The following BTNL9 variants were observed in gnomAD, a reference collection of about 807,000 sequenced individuals.
The protein encoded by BTNL9 is butyrophilin like 9, also known as butyrophilin-like protein 9.
BTNL9 carries 45 observed loss-of-function variants against 45.8 expected under a neutral mutation model. The observed-to-expected ratio is 0.98, with a 90% CI of 0.77 to 1.26. The LOEUF (loss-of-function observed/expected upper bound fraction) is 1.26, where lower values mean the gene tolerates loss of function less well. Ranked by LOEUF, BTNL9 falls within the 50% of genes most tolerant of loss-of-function variation. BTNL9 has a pLI of 0.00. For synonymous variants in BTNL9, 346 were observed against 330.8 expected, an observed-to-expected ratio of 1.05 and a Z score of -0.50; for missense variants, 784 against 729.7, an observed-to-expected ratio of 1.07 and a Z score of -0.86.
Position 181,059,887 on chromosome 5 carries a change from G to A in BTNL9, c.*25G>A. On this transcript the variant is annotated 3_prime_UTR_variant, in exon 11 of 11. Transcript: ENST00000327705. ...AGGCGCCCTCGTGGCCGCGGGACTG[G>A]CCCCGGGGGGCCCCCTGGATCCCAG... 2 of 1,444,114 alleles carry A rather than the reference G, an allele frequency of 1.4e-6. No individual in the cohort carries two copies. The highest frequency in any genetic ancestry group is 1.3e-5 in the South Asian group (1 of 76,276). 89.5% of individuals were successfully genotyped at this position (1,444,114 alleles called of 1,614,324 possible). A position where few individuals can be genotyped will look rare whatever the true frequency, so the allele number is the denominator to read the frequency against.
At chr5:181,052,330 G>A (rs986312976) in intron 4 of BTNL9, among the ~76,000 whole-genome samples, 1 of 152,108 alleles carries the variant, frequency 6.6e-6, no homozygotes, top group Non-Finnish European at 1.5e-5. Context: ...CGTGGGAAGA[G>A]GAATTACTGT....
chr5:181,046,153 A>AG (rs1381880683), intron 2 of BTNL9, among the ~76,000 whole-genome samples: 2 of 95,930 alleles, frequency 2.1e-5, no homozygotes, highest in African/African-American at 4.1e-5. Context: ...CCATCTCCCC[A>AG]GCCTCCAACA....
intron 2 of BTNL9, 41 bp from the exon 3 acceptor site, chr5:181,047,886 G>A (rs796322611): frequency 6.5e-7 from 1 of 1,544,956 alleles, no homozygotes. Context: ...TTTAAAAATT[G>A]GATGAGGGTT....
intron 9 of BTNL9, 117 bp downstream of exon 9, chr5:181,056,132 C>A: frequency 8.6e-7 from 1 of 1,163,374 alleles, no homozygotes; most frequent in Non-Finnish European, 1.3e-6. Context: ...CCTCACACAG[C>A]ATGTGTTAAT....
Position 181,059,298 on chromosome 5 carries a change from G to A in BTNL9, c.1044G>A (p.Lys348=), listed in dbSNP as rs1379335624. ...HPSLEVSEDG[K]SVSSRGAPPG... ...GCCTGGAGGTGTCGGAGGATGGCAA[G>A]AGCGTGTCTTCCCGCGGGGCGCCGC... Residue 348 remains lysine (K), a synonymous_variant, in exon 11 of 11, where the codon AAG becomes AAA. Transcript: ENST00000327705. 8.3e-6 allele frequency: 13 copies of A among 1,570,454 alleles called. No individual in the cohort carries two copies. The highest frequency in any genetic ancestry group is 6.8e-5 in the African/African-American group (5 of 73,958).
rs1165170157 is a variant in BTNL9, at chr5:181,050,705, G to A, written c.736+336G>A. Among the ~76,000 whole-genome samples, 1 of 152,152 alleles carries A rather than the reference G, an allele frequency of 6.6e-6. No individual in the cohort carries two copies. Among genetic ancestry groups the A allele is most frequent in the Non-Finnish European group, 1.5e-5 (1 of 68,026 alleles). On this transcript the variant is annotated intron_variant, in intron 4 of 10. Transcript: ENST00000327705. This position sits in a 1 kb window ranked among gnomAD's most constrained non-coding sequence, Gnocchi z 4.9. ...ACAGTATGTATTGAGTTTCCACAAC[G>A]TGACCCCAGTCCCTACCCTCAGGTC... is the stretch of plus-strand genomic sequence containing the variant.
Position 181,050,313 on chromosome 5 carries a change from T to A in BTNL9, c.680T>A (p.Val227Asp), listed in dbSNP as rs1761464858. ...GCGGGAGCCCTCAGCAATGTGTCCG[T>A]CTCCATCCAGAATCTCCTCTTGAGC... ...VRAGALSNVS[V>D]SIQNLLLSQK... Residue 227 changes from valine to aspartate, a missense_variant, in exon 4 of 11, where the codon GTC becomes GAC. Val to Asp is a radical substitution (Grantham distance 152, BLOSUM62 -3). Coordinates refer to ENST00000327705, the MANE Select transcript of BTNL9 (RefSeq NM_152547.5). The surrounding 1 kb of genome is among the most constrained non-coding windows in gnomAD (Gnocchi z 4.9). The A allele has an allele frequency of 6.2e-7, 1 of 1,613,940 alleles. No individual in the cohort carries two copies. The highest frequency in any genetic ancestry group is 8.5e-7 in the Non-Finnish European group (1 of 1,180,032).
chr5:181,045,701 G>C (rs575805231), intron 2 of BTNL9, 103 bp downstream of exon 2: 5 of 908,014 alleles, frequency 5.5e-6, no homozygotes, highest in African/African-American at 1.7e-5. Flanking sequence ...CGTGCCAGAC[G>C]CTAAAATACA....
chr5:181,059,153 A>G, intron 10 of BTNL9, 84 bp from the exon 11 acceptor site: 4 of 1,409,108 alleles, frequency 2.8e-6, no homozygotes, highest in Non-Finnish European at 2.8e-6. Context: ...CACCAAGAGA[A>G]ACGAGAGGTT....
rs912729612 is a variant in BTNL9, at chr5:181,056,711, A to G, written c.955+696A>G. 7.4e-6 allele frequency: 5 copies of G among 679,206 alleles called. No individual in the cohort carries two copies. The Admixed American group carries it at 8.7e-5, about 12-fold the overall frequency. 42.1% of individuals were successfully genotyped at this position (679,206 alleles called of 1,614,324 possible). A position where few individuals can be genotyped will look rare whatever the true frequency, so the allele number is the denominator to read the frequency against. On this transcript the variant is annotated intron_variant, in intron 9 of 10. Coordinates refer to ENST00000327705, the MANE Select transcript of BTNL9 (RefSeq NM_152547.5). The stretch of plus-strand genomic sequence containing the variant: ...CTGGCCCATGGTGGGTATGTCCACT[A>G]AGGGGATAGTGGGATCCCAGGAAGG...
In BTNL9 at chr5:181,053,014, CCG is replaced by C; in HGVS notation, c.737-184_737-183del. 2.0e-5 allele frequency: 3 copies of C among 147,366 alleles called. 1 individual carries two copies. The highest frequency in any genetic ancestry group is 4.0e-5 in the Non-Finnish European group (3 of 75,454). 9.1% of individuals were successfully genotyped at this position (147,366 alleles called of 1,614,324 possible). A position where few individuals can be genotyped will look rare whatever the true frequency, so the allele number is the denominator to read the frequency against. Reference sequence around the variant, plus strand: ...GCCCCGCGGCGCGCCCCCGCCCCCTCCGCCGCGCGCGCCCCCGCCCCCTCCGC... The same window carrying C: ...GCCCCGCGGCGCGCCCCCGCCCCCTCCCGCGCGCGCCCCCGCCCCCTCCGC... On this transcript the variant is annotated intron_variant, in intron 4 of 10. Transcript: ENST00000327705. The surrounding 1 kb of genome is among the most constrained non-coding windows in gnomAD (Gnocchi z 6.5).
At position 181,053,154 on chromosome 5, in the gene BTNL9, G is replaced by C; in HGVS notation, c.737-46G>C. 6.7e-7 allele frequency: 1 copy of C among 1,493,560 alleles called. No individual in the cohort carries two copies. The highest frequency in any genetic ancestry group is 1.2e-5 in the South Asian group (1 of 82,596). 92.5% of individuals were successfully genotyped at this position (1,493,560 alleles called of 1,614,324 possible). On this transcript the variant is annotated intron_variant, in intron 4 of 10. Coordinates refer to ENST00000327705, the MANE Select transcript of BTNL9 (RefSeq NM_152547.5). This position sits in a 1 kb window ranked among gnomAD's most constrained non-coding sequence, Gnocchi z 6.5. ...GGGCAGGCCGGTCTCGCCTCTCGGT[G>C]CTCAGCGGCGCCTGGACCGACACGG... is the stretch of plus-strand genomic sequence containing the variant.
In BTNL9 at chr5:181,049,942, G is replaced by A. The variant is rs183098494; in HGVS notation, c.455-146G>A. Reference sequence around the variant, plus strand: ...AGACTGTCATTTCCCGTCCATGGGCGGGGAGCGCCAAGCCCACACACGTCT... The same window carrying A: ...AGACTGTCATTTCCCGTCCATGGGCAGGGAGCGCCAAGCCCACACACGTCT... On this transcript the variant is annotated intron_variant, in intron 3 of 10. Coordinates refer to ENST00000327705, the MANE Select transcript of BTNL9 (RefSeq NM_152547.5). 325 of 1,000,158 alleles carry A rather than the reference G, an allele frequency of 3.2e-4. 1 individual carries two copies. The African/African-American group carries it at 4.3e-3, about 13-fold the overall frequency. 62.0% of individuals were successfully genotyped at this position (1,000,158 alleles called of 1,614,324 possible).
chr5:181,043,520 C>T (rs1035347717), intron 1 of BTNL9: 1 of 152,236 alleles, frequency 6.6e-6, no homozygotes, highest in African/African-American at 2.4e-5. Flanking sequence ...TGTCTCGCGC[C>T]CCATTACCAC....
chr5:181,057,857 G>GTGA (rs1761962462), intron 9 of BTNL9, among the ~76,000 whole-genome samples: 1 of 152,214 alleles, frequency 6.6e-6, no homozygotes, highest in Admixed American at 6.5e-5. Context: ...TTGTGACTTG[G>GTGA]TGATATCTTT....
Position 181,053,620 on chromosome 5 carries a change from C to G in BTNL9, c.886+119C>G. The G allele has an allele frequency of 1.3e-6, 2 of 1,544,898 alleles. No individual in the cohort carries two copies. Among genetic ancestry groups the G allele is most frequent in the Non-Finnish European group, 1.7e-6 (2 of 1,143,260 alleles). On this transcript the variant is annotated intron_variant, in intron 6 of 10. Coordinates refer to ENST00000327705, the MANE Select transcript of BTNL9 (RefSeq NM_152547.5). The surrounding 1 kb of genome is among the most constrained non-coding windows in gnomAD (Gnocchi z 6.5). ...CAGCGCGAGGTGTCAGGGCGGCCAC[C>G]GGGGAACGGGGATCGGTGACCCCGG...
intron 9 of BTNL9, chr5:181,056,788 T>G (rs185058044): frequency 3.5e-6 from 2 of 575,600 alleles, no homozygotes; most frequent in East Asian, 5.8e-5. Context: ...TGTGCCCACA[T>G]CTCATGTGAA....
intron 9 of BTNL9, 22 bp downstream of exon 9, chr5:181,056,037 C>CT (rs922051039): frequency 3.0e-5 from 48 of 1,613,594 alleles, no homozygotes; most frequent in Non-Finnish European, 4.0e-5. Context: ...CCATCTCTCT[C>CT]TGACTCCTCC....
intron 1 of BTNL9, among the ~76,000 whole-genome samples, chr5:181,044,998 C>T (rs778633576): frequency 3.3e-5 from 5 of 152,306 alleles, no homozygotes; most frequent in South Asian, 2.1e-4. Context: ...CTCTGTTTTG[C>T]GGACTCGATG....
Sources: gnomAD v4.1 joint callset for allele counts (sites outside exome capture counted in the v4.1 genomes callset) on GRCh38, gnomAD v4.1.1 for gene constraint, Gnocchi (gnomAD v3.1) non-coding constraint, MANE v1.5 for transcripts, NCBI Gene and HGNC (gene_info 2026-07-23, HGNC 2026-07-21) for gene names.